The following LMNTD1 variants were observed in gnomAD, a reference collection of about 807,000 sequenced individuals.
LMNTD1 encodes lamin tail domain-containing protein 1.
Under a neutral mutation model 50.9 loss-of-function variants are expected in LMNTD1, and 35 were observed. The observed-to-expected ratio is 0.69, with a 90% CI of 0.53 to 0.91. LMNTD1 has a LOEUF of 0.91. Among genes scored for constraint, LMNTD1 ranks in the 40% least tolerant of loss-of-function variants. The pLI is 0.00. For missense variants in LMNTD1, 470 were observed against 475.5 expected, an observed-to-expected ratio of 0.99 and a Z score of 0.11; for synonymous variants, 153 against 161.9, an observed-to-expected ratio of 0.94 and a Z score of 0.42.
At chr12:25,519,097 G>T in intron 7 of LMNTD1, 130 bp from the exon 8 acceptor site, 1 of 786,094 alleles carries the variant, frequency 1.3e-6, no homozygotes, top group Non-Finnish European at 2.0e-6. Context: ...TTTGTGGGCA[G>T]AACTTTTATT....
chr12:25,553,339 G>A, upstream of LMNTD1: 1 of 1,037,206 alleles, frequency 9.6e-7, no homozygotes, highest in Non-Finnish European at 1.3e-6. Flanking sequence ...TGTCTCCATA[G>A]TAACCAAGTT....
chr12:25,553,374 T>G (rs2136266632), upstream of LMNTD1: 2 of 651,948 alleles, frequency 3.1e-6, no homozygotes, highest in Admixed American at 8.1e-5. Context: ...ATTCCTATGT[T>G]GATGCTGTAC....
intron 1 of LMNTD1, among the ~76,000 whole-genome samples, chr12:25,641,156 A>T (rs185242682): frequency 1.7e-3 from 266 of 152,330 alleles, no homozygotes; most frequent in Non-Finnish European, 3.1e-3. Flanking sequence ...GGATGGATGG[A>T]TGACTATAGA....
Position 25,526,216 on chromosome 12 carries a change from C to A in LMNTD1, c.681G>T (p.Val227=). The A allele has an allele frequency of 1.2e-6, 2 of 1,605,570 alleles. No homozygotes were observed. Among genetic ancestry groups the A allele is most frequent in the South Asian group, 2.2e-5 (2 of 89,382 alleles). The change falls in exon 6 of 10, where the codon GTG becomes GTT. Residue 227 remains valine (V), a splice_region_variant and synonymous_variant. Transcript: ENST00000458174. Reference sequence around the variant, plus strand: ...GCTTTGCTTCAGATGCTGCTGCCCACACCTGTAATAAAATTGTTAATGACA... The same window carrying A: ...GCTTTGCTTCAGATGCTGCTGCCCAAACCTGTAATAAAATTGTTAATGACA... ...IVMQANSTVT[V]WAAASEAKHQ... is the part of the protein sequence containing the mutation.
At chr12:25,606,788 A>G (rs2136523963) in intron 1 of LMNTD1, among the ~76,000 whole-genome samples, 1 of 152,102 alleles carries the variant, frequency 6.6e-6, no homozygotes, top group East Asian at 1.9e-4. Flanking sequence ...TTGGTCTAAA[A>G]TTCTCTTTTT....
chr12:25,520,107 G>C, intron 6 of LMNTD1, 32 bp from the exon 7 acceptor site: 1 of 1,288,876 alleles, frequency 7.8e-7, no homozygotes, highest in South Asian at 1.2e-5. Context: ...TGTTGGCTAT[G>C]TATATTTGAG....
At chr12:25,496,619 G>C (rs183626872) in intron 9 of LMNTD1, among the ~76,000 whole-genome samples, 2 of 152,166 alleles carry the variant, frequency 1.3e-5, no homozygotes, top group Non-Finnish European at 2.9e-5. Context: ...GAAAGTATAC[G>C]TAAAGTTGTT....
chr12:25,621,710 C>T (rs113531516), intron 1 of LMNTD1, among the ~76,000 whole-genome samples: 2 of 152,118 alleles, frequency 1.3e-5, no homozygotes, highest in African/African-American at 4.8e-5. Flanking sequence ...AAAACATGGC[C>T]TTATTCTACA....
In LMNTD1 at chr12:25,520,139, GAT is replaced by G. The variant is rs1394594290; in HGVS notation, c.799-66_799-65del. 4 of 152,426 alleles carry G rather than the reference GAT, an allele frequency of 2.6e-5. No individual in the cohort carries two copies. In the South Asian group the frequency reaches 3.9e-4, roughly 15 times the overall value. The allele number at this position is 152,426 out of a possible 1,614,324, so 9.4% of individuals were successfully genotyped here. A position where few individuals can be genotyped will look rare whatever the true frequency, so the allele number is the denominator to read the frequency against. On this transcript the variant is annotated intron_variant, in intron 6 of 9. Coordinates refer to ENST00000458174, the MANE Select transcript of LMNTD1 (RefSeq NM_001145728.2). ...TGAGGTTTACAACATGCTGTTATGA[GAT>G]ATACATATATATATATATATATATA...
intron 1 of LMNTD1, among the ~76,000 whole-genome samples, chr12:25,584,400 C>T (rs1313881939): frequency 6.6e-6 from 1 of 152,172 alleles, no homozygotes; most frequent in Non-Finnish European, 1.5e-5. Context: ...TAAGCTATGG[C>T]ACATCAGCTC....
At chr12:25,570,003 A>G (rs1944720604) in intron 1 of LMNTD1, among the ~76,000 whole-genome samples, 1 of 152,240 alleles carries the variant, frequency 6.6e-6, no homozygotes, top group Non-Finnish European at 1.5e-5. Flanking sequence ...TGCCTTTAGC[A>G]GTCAGATAAT....
intron 1 of LMNTD1, among the ~76,000 whole-genome samples, chr12:25,616,724 T>C (rs1156912132): frequency 6.6e-6 from 1 of 152,186 alleles, no homozygotes; most frequent in African/African-American, 2.4e-5. Context: ...TCTACAATTA[T>C]TTCAAAATAA....
At chr12:25,609,362 A>G (rs1419307688) in intron 1 of LMNTD1, among the ~76,000 whole-genome samples, 1 of 152,106 alleles carries the variant, frequency 6.6e-6, no homozygotes, top group East Asian at 1.9e-4. Context: ...GCTTTGTTCC[A>G]TTGCTCGTGA....
At chr12:25,493,472 TCAAA>T (rs1040378959) in intron 9 of LMNTD1, among the ~76,000 whole-genome samples, 1 of 152,218 alleles carries the variant, frequency 6.6e-6, no homozygotes, top group African/African-American at 2.4e-5. Context: ...AGAGAAGTAT[TCAAA>T]CAGATTCTCC....
intron 4 of LMNTD1, among the ~76,000 whole-genome samples, chr12:25,532,685 T>G (rs1451771969): frequency 6.6e-6 from 1 of 152,172 alleles, no homozygotes; most frequent in Non-Finnish European, 1.5e-5. Context: ...ATGCCTTTTT[T>G]ACAGAGGTTC....
chr12:25,587,864 A>C (rs980810610), intron 1 of LMNTD1, among the ~76,000 whole-genome samples: 2 of 152,226 alleles, frequency 1.3e-5, no homozygotes, highest in East Asian at 3.8e-4. Context: ...TCAGAAACAA[A>C]AAAGCTAGGT....
chr12:25,536,776 C>T (rs931137388), intron 4 of LMNTD1, among the ~76,000 whole-genome samples: 26 of 147,386 alleles, frequency 1.8e-4, no homozygotes, highest in South Asian at 2.1e-4. Flanking sequence ...GCCTGAGCGA[C>T]GCAGAAGACG....
At chr12:25,525,942 C>T (rs997482110) in intron 6 of LMNTD1, among the ~76,000 whole-genome samples, 157 bp downstream of exon 6, 2 of 151,860 alleles carry the variant, frequency 1.3e-5, no homozygotes, top group African/African-American at 4.8e-5. Context: ...TTTATAAGAA[C>T]CTGACAATAA....
intron 1 of LMNTD1, among the ~76,000 whole-genome samples, chr12:25,613,941 G>A (rs531828584): frequency 7.9e-5 from 12 of 152,096 alleles, no homozygotes; most frequent in African/African-American, 2.7e-4. Flanking sequence ...TAAGGGAGAA[G>A]ATAGGCGGAA....
Sources: gnomAD v4.1 joint callset for allele counts (sites outside exome capture counted in the v4.1 genomes callset) on GRCh38, gnomAD v4.1.1 for gene constraint, MANE v1.5 for transcripts, NCBI Gene and HGNC (gene_info 2026-07-23, HGNC 2026-07-21) for gene names.